EXOSC10: variants seen among roughly 807,000 people sequenced by gnomAD.
EXOSC10 encodes the protein exosome complex component 10.
Under a neutral mutation model 126.6 loss-of-function variants are expected in EXOSC10, and 94 were observed. The observed-to-expected ratio is 0.74, with a 90% confidence interval of 0.63 to 0.88. EXOSC10 has a LOEUF of 0.88. Among genes scored for constraint, EXOSC10 ranks in the 40% least tolerant of loss-of-function variants. EXOSC10 has a pLI of 0.00. For missense variants in EXOSC10, 1,041 were observed against 1,100.5 expected, an observed-to-expected ratio of 0.95 and a Z score of 0.77; for synonymous variants, 395 against 400.8, an observed-to-expected ratio of 0.99 and a Z score of 0.17.
At position 11,087,479 on chromosome 1, in the gene EXOSC10, T is replaced by C. The variant is rs377044377; in HGVS notation, c.1058A>G (p.Asn353Ser). The C allele has an allele frequency of 2.1e-5, 34 of 1,613,926 alleles. No individual in the cohort carries two copies. The highest frequency in any genetic ancestry group is 2.6e-5 in the Non-Finnish European group (31 of 1,180,006). ...LELRSDMYILNESLTDPAIVK... is the reference protein window; with the variant it reads ...LELRSDMYILSESLTDPAIVK... The stretch of plus-strand genomic sequence containing the variant: ...GATGGCTGGGTCTGTGAGGCTCTCA[T>C]TGAGAATGTACATGTCACTTCGAAG... Residue 353 changes from asparagine to serine, a missense_variant, in exon 9 of 25, where the codon AAT (asparagine) becomes AGT (serine). Physicochemically the swap from Asn to Ser is conservative, Grantham distance 46. Around this residue, in one of 3 missense-constraint regions of EXOSC10, gnomAD observed 645 missense variants for 656.3 expected, o/e 0.98. Transcript: ENST00000376936.
At position 11,087,473 on chromosome 1, in the gene EXOSC10, C is replaced by G. The variant is rs1640557503; in HGVS notation, c.1064G>C (p.Ser355Thr). ...CTTAACGATGGCTGGGTCTGTGAGG[C>G]TCTCATTGAGAATGTACATGTCACT... The part of the protein sequence containing the change: ...LRSDMYILNE[S>T]LTDPAIVKVF... The change falls in exon 9 of 25, where the codon AGC (serine) becomes ACC (threonine). Residue 355 changes from serine to threonine, a missense_variant. By Grantham distance (58) the Ser-to-Thr change is moderately conservative. Around this residue, in one of 3 missense-constraint regions of EXOSC10, gnomAD observed 645 missense variants for 656.3 expected, o/e 0.98. Transcript: ENST00000376936. 6.2e-7 allele frequency: 1 copy of G among 1,613,944 alleles called. No homozygotes were observed. The highest frequency in any genetic ancestry group is 1.1e-5 in the South Asian group (1 of 91,078).
chr1:11,098,612 T>G (rs1641249099), intron 1 of EXOSC10, among the ~76,000 whole-genome samples: 1 of 152,226 alleles, frequency 6.6e-6, no homozygotes, highest in South Asian at 2.1e-4. Context: ...TTATTACGAC[T>G]CAAGTTCAGA....
chr1:11,091,768 G>A (rs776336935), intron 3 of EXOSC10, among the ~76,000 whole-genome samples, 171 bp from the exon 4 acceptor site: 3 of 152,180 alleles, frequency 2.0e-5, no homozygotes, highest in Non-Finnish European at 4.4e-5. Flanking sequence ...TGGGCTCACT[G>A]CAACCTCTGC....
In EXOSC10 at chr1:11,084,069, A is replaced by G. The variant is rs1246745461; in HGVS notation, c.1090-1191T>C. 2.6e-5 allele frequency among the ~76,000 whole-genome samples: 4 copies of G among 152,282 alleles called. No individual in the cohort carries two copies. In the South Asian group the frequency reaches 8.3e-4, roughly 32 times the overall value. Reference sequence around the variant, plus strand: ...TGGTTCCAAGTCTTTACTATTGTGAATAGTGCCGCAATAAACATATGTGTG... The same window carrying G: ...TGGTTCCAAGTCTTTACTATTGTGAGTAGTGCCGCAATAAACATATGTGTG... On this transcript the variant is annotated intron_variant, in intron 9 of 24. Transcript: ENST00000376936.
chr1:11,087,611 G>A lies in EXOSC10; in HGVS notation c.946-20C>T. 1 of 1,611,414 alleles carries A rather than the reference G, an allele frequency of 6.2e-7. No individual in the cohort carries two copies. The highest frequency in any genetic ancestry group is 8.5e-7 in the Non-Finnish European group (1 of 1,178,802). ...GTGGTGCTAAACCCCACAGAAGGAGGGGAGAAGAGGAAAAACAAAGATTAT... is the reference window on the plus strand; with the variant it reads ...GTGGTGCTAAACCCCACAGAAGGAGAGGAGAAGAGGAAAAACAAAGATTAT... On this transcript the variant is annotated intron_variant, in intron 8 of 24. Transcript: ENST00000376936.
intron 21 of EXOSC10, 186 bp downstream of exon 21, chr1:11,070,714 A>C (rs1639430707): frequency 1.7e-6 from 1 of 582,578 alleles, no homozygotes; most frequent in Non-Finnish European, 3.0e-6. Context: ...AAGAGGAATT[A>C]CAATATCAAT....
intron 10 of EXOSC10, 135 bp downstream of exon 10, chr1:11,082,553 A>G: frequency 2.0e-6 from 3 of 1,506,272 alleles, no homozygotes; most frequent in East Asian, 4.6e-5. Context: ...GCTGCTGAAG[A>G]TGCCTGGCGA....
intron 23 of EXOSC10, among the ~76,000 whole-genome samples, chr1:11,068,310 C>T (rs528598774): frequency 2.0e-5 from 3 of 152,344 alleles, no homozygotes; most frequent in Non-Finnish European, 4.4e-5. Flanking sequence ...GTGGAAGCTA[C>T]AGCCACGCTG....
intron 2 of EXOSC10, among the ~76,000 whole-genome samples, chr1:11,096,529 T>C (rs563561609): frequency 6.1e-5 from 9 of 148,012 alleles, no homozygotes; most frequent in Middle Eastern, 3.5e-3. Flanking sequence ...CAGGCTGGAA[T>C]GCAGCAGTAC....
At chr1:11,068,154 G>A in intron 23 of EXOSC10, 70 bp from the exon 24 acceptor site, 3 of 1,246,288 alleles carry the variant, frequency 2.4e-6, no homozygotes, top group Non-Finnish European at 2.3e-6. Flanking sequence ...AAACACACCT[G>A]AGCTCAGGTG....
At chr1:11,082,079 CAA>C (rs113030447) in intron 10 of EXOSC10, among the ~76,000 whole-genome samples, 14 of 116,852 alleles carry the variant, frequency 1.2e-4, no homozygotes, top group Admixed American at 1.8e-4. Flanking sequence ...AACTGCATCT[CAA>C]AAAAAAAAAA....
At chr1:11,090,947 A>C (rs1640768598) in intron 5 of EXOSC10, 67 bp downstream of exon 5, 1 of 1,530,286 alleles carries the variant, frequency 6.5e-7, no homozygotes, top group Admixed American at 1.8e-5. Context: ...AGAGACCTGT[A>C]CACCCTTCCT....
At chr1:11,071,119 G>T in intron 20 of EXOSC10, 146 bp from the exon 21 acceptor site, 1 of 662,342 alleles carries the variant, frequency 1.5e-6, no homozygotes, top group Non-Finnish European at 2.6e-6. Flanking sequence ...CCCCATCTCT[G>T]CAGGACAGGC....
At chr1:11,095,512 G>T (rs1641028558) in intron 3 of EXOSC10, 1 of 313,236 alleles carries the variant, frequency 3.2e-6, no homozygotes, top group Admixed American at 4.0e-5. Context: ...AGGAGATCGA[G>T]ACCATCCTGG....
intron 18 of EXOSC10, 107 bp downstream of exon 18, chr1:11,074,124 C>A: frequency 7.2e-7 from 1 of 1,384,270 alleles, no homozygotes. Flanking sequence ...GCCAGGACAC[C>A]AGGGCAGCCG....
intron 21 of EXOSC10, 119 bp from the exon 22 acceptor site, chr1:11,069,849 G>T: frequency 9.5e-7 from 1 of 1,051,524 alleles, no homozygotes; most frequent in Non-Finnish European, 1.4e-6. Flanking sequence ...ACAGTCAGTG[G>T]TGGGGAGAGG....
intron 17 of EXOSC10, among the ~76,000 whole-genome samples, chr1:11,076,399 T>G (rs1329453537): frequency 6.6e-6 from 1 of 152,038 alleles, no homozygotes; most frequent in Non-Finnish European, 1.5e-5. Flanking sequence ...TATGTGGTGC[T>G]GGGGTCAGGC....
At chr1:11,076,756 A>G in intron 17 of EXOSC10, 86 bp downstream of exon 17, 1 of 1,042,028 alleles carries the variant, frequency 9.6e-7, no homozygotes, top group Non-Finnish European at 1.5e-6. Flanking sequence ...GAGTGTATGC[A>G]ATGCTCCAGG....
At chr1:11,087,364 G>A (rs1640551848) in intron 9 of EXOSC10, 84 bp downstream of exon 9, 34 of 1,520,496 alleles carry the variant, frequency 2.2e-5, no homozygotes, top group Non-Finnish European at 2.9e-5. Flanking sequence ...GACTGGTCTA[G>A]GTTGAAATAA....
Sources: gnomAD v4.1 joint callset for allele counts (sites outside exome capture counted in the v4.1 genomes callset) on GRCh38, gnomAD v4.1.1 for gene constraint, gnomAD v4.1.1 regional missense constraint, MANE v1.5 for transcripts, NCBI Gene and HGNC (gene_info 2026-07-23, HGNC 2026-07-21) for gene names.